Variants in NELL1 observed in about 807,000 individuals in gnomAD.
NELL1 encodes the protein protein kinase C-binding protein NELL1.
A neutral mutation model predicts 107.4 loss-of-function variants in NELL1; 76 were observed. The ratio of observed to expected loss-of-function variants is 0.71; its 90% CI spans 0.59 to 0.86. NELL1 has a LOEUF of 0.86. Ranked by LOEUF, NELL1 falls within the 40% of genes least tolerant of loss-of-function variation. NELL1 has a pLI of 0.00. For synonymous variants in NELL1, 353 were observed against 341.2 expected (o/e 1.03, Z -0.38); for missense variants, 1,024 against 1,005.5 (o/e 1.02, Z -0.25).
At chr11:20,992,184 C>A (rs1172890634) in intron 12 of NELL1, among the ~76,000 whole-genome samples, 2 of 152,130 alleles carry the variant, frequency 1.3e-5, no homozygotes, top group Non-Finnish European at 2.9e-5. Flanking sequence ...GAGACTGTTT[C>A]AATTTAAATG....
intron 3 of NELL1, among the ~76,000 whole-genome samples, chr11:20,801,660 T>C (rs1857283617): frequency 6.6e-6 from 1 of 152,214 alleles, no homozygotes; most frequent in Non-Finnish European, 1.5e-5. Context: ...CTCAGTCTAA[T>C]GTCCCTAGAG....
chr11:21,258,115 T>C (rs1858815914), intron 14 of NELL1, among the ~76,000 whole-genome samples: 2 of 152,060 alleles, frequency 1.3e-5, no homozygotes, highest in African/African-American at 4.8e-5. Flanking sequence ...TGGATTCTTA[T>C]CTGGGGCTGG....
intron 14 of NELL1, among the ~76,000 whole-genome samples, chr11:21,337,854 TTTCTTTC>T (rs1850469303): frequency 6.7e-6 from 1 of 149,350 alleles, no homozygotes; most frequent in African/African-American, 2.5e-5. Flanking sequence ...TCTTTCTTTC[TTTCTTTC>T]TTTCTTTCTT....
chr11:21,222,644 A>G (rs774556606), intron 13 of NELL1, among the ~76,000 whole-genome samples: 3 of 152,052 alleles, frequency 2.0e-5, no homozygotes, highest in Non-Finnish European at 4.4e-5. Flanking sequence ...AAATCTTTCT[A>G]TTATTTTTAT....
intron 12 of NELL1, among the ~76,000 whole-genome samples, chr11:21,028,375 A>C (rs1414313509): frequency 6.6e-6 from 1 of 152,200 alleles, no homozygotes. Context: ...CACTTTGGCC[A>C]GAGAAAATCT....
At chr11:21,491,559 C>G (rs974850228) in intron 15 of NELL1, among the ~76,000 whole-genome samples, 57 of 152,134 alleles carry the variant, frequency 3.7e-4, no homozygotes, top group South Asian at 2.9e-3. Flanking sequence ...TGATCTATAT[C>G]TCTGTTTTGG....
chr11:21,417,552 C>T (rs750201805), intron 15 of NELL1, among the ~76,000 whole-genome samples: 2 of 151,518 alleles, frequency 1.3e-5, no homozygotes, highest in Non-Finnish European at 1.5e-5. Flanking sequence ...AGTAAATCAT[C>T]TGTGATGTAC....
chr11:21,388,079 GTTTT>G (rs34490004), intron 15 of NELL1, among the ~76,000 whole-genome samples: 1 of 147,428 alleles, frequency 6.8e-6, no homozygotes, highest in Non-Finnish European at 1.5e-5. Flanking sequence ...AAAATTCTAT[GTTTT>G]TTTTTTTTTC....
intron 12 of NELL1, among the ~76,000 whole-genome samples, chr11:21,029,362 C>T (rs903716008): frequency 8.5e-5 from 13 of 152,154 alleles, no homozygotes; most frequent in Admixed American, 7.9e-4. Flanking sequence ...TTTTATCTTT[C>T]GTCAATTTGG....
At chr11:21,119,980 C>T (rs1483867960) in intron 13 of NELL1, among the ~76,000 whole-genome samples, 1 of 152,076 alleles carries the variant, frequency 6.6e-6, no homozygotes, top group African/African-American at 2.4e-5. Context: ...AACGGGTAGG[C>T]ATTCATTTTT....
chr11:21,369,704 A>G lies in NELL1; in HGVS notation c.1550-1149A>G, dbSNP rs193283503. On this transcript the variant is annotated intron_variant, in intron 14 of 19. Coordinates refer to ENST00000357134, the MANE Select transcript of NELL1 (RefSeq NM_006157.5). Reference sequence around the variant, plus strand: ...TCAAACTACAATTAAAATTTAAAACATTTGCTCACCTATCTTTCTTGTGAA... The same window carrying G: ...TCAAACTACAATTAAAATTTAAAACGTTTGCTCACCTATCTTTCTTGTGAA... 2.0e-3 allele frequency among the ~76,000 whole-genome samples: 310 copies of G among 152,080 alleles called. 2 individuals are homozygous for G. The highest frequency in any genetic ancestry group is 3.5e-3 in the Non-Finnish European group (241 of 67,954).
intron 13 of NELL1, among the ~76,000 whole-genome samples, chr11:21,139,475 C>G (rs1004443554): frequency 2.0e-5 from 3 of 152,194 alleles, no homozygotes; most frequent in African/African-American, 7.2e-5. Flanking sequence ...TTTCTCCTCT[C>G]TCTGTTAGTT....
intron 2 of NELL1, among the ~76,000 whole-genome samples, chr11:20,753,097 G>A (rs780209539): frequency 1.3e-5 from 2 of 152,068 alleles, no homozygotes; most frequent in Non-Finnish European, 1.5e-5. Flanking sequence ...ACAGGAAGAG[G>A]GCCTCAATGT....
At chr11:21,237,319 A>AT (rs1858235050) in intron 14 of NELL1, among the ~76,000 whole-genome samples, 1 of 152,080 alleles carries the variant, frequency 6.6e-6, no homozygotes. Context: ...CGGGCATTTA[A>AT]TTTTCTGATT....
Position 21,018,306 on chromosome 11 carries a change from T to C in NELL1, c.1300+57746T>C, listed in dbSNP as rs537960086. 2.2e-3 allele frequency among the ~76,000 whole-genome samples: 333 copies of C among 152,234 alleles called. 1 individual carries two copies. Among genetic ancestry groups the C allele is most frequent in the Middle Eastern group, 6.8e-3 (2 of 294 alleles). ...CACTTTAATACTAACATAGGCCTTA[T>C]AACTTTCAAAGGAGTACACTTAGCC... On this transcript the variant is annotated intron_variant, in intron 12 of 19. Coordinates refer to ENST00000357134, the MANE Select transcript of NELL1 (RefSeq NM_006157.5).
intron 4 of NELL1, among the ~76,000 whole-genome samples, chr11:20,875,540 C>T (rs551054051): frequency 2.0e-5 from 3 of 152,280 alleles, no homozygotes; most frequent in Admixed American, 1.3e-4. Flanking sequence ...CAAAACATCT[C>T]ATGTATCCCG....
intron 12 of NELL1, among the ~76,000 whole-genome samples, chr11:20,991,021 C>A (rs1289124945): frequency 6.6e-6 from 1 of 152,192 alleles, no homozygotes; most frequent in African/African-American, 2.4e-5. Flanking sequence ...AAAACCAACT[C>A]TGGTGTTTGC....
intron 12 of NELL1, among the ~76,000 whole-genome samples, chr11:21,107,943 G>A (rs1855009554): frequency 6.6e-6 from 1 of 152,084 alleles, no homozygotes; most frequent in African/African-American, 2.4e-5. Flanking sequence ...AGTTAGTGTG[G>A]AACAACTATC....
intron 3 of NELL1, among the ~76,000 whole-genome samples, chr11:20,829,234 T>TC (rs994432780): frequency 2.0e-5 from 3 of 150,042 alleles, no homozygotes; most frequent in African/African-American, 7.4e-5. Context: ...TTTTTTTTTT[T>TC]TTTTTTTTTT....
Sources: gnomAD v4.1 joint callset for allele counts (sites outside exome capture counted in the v4.1 genomes callset) on GRCh38, gnomAD v4.1.1 for gene constraint, MANE v1.5 for transcripts, NCBI Gene and HGNC (gene_info 2026-07-23, HGNC 2026-07-21) for gene names.